Variants in TEAD2 observed in about 807,000 individuals in gnomAD.
TEAD2 encodes TEA domain transcription factor 2.
In TEAD2, 51 loss-of-function variants were observed where a neutral mutation model predicts 61.4. The observed-to-expected ratio is 0.83, with a 90% CI of 0.66 to 1.05. TEAD2 has a LOEUF of 1.05. TEAD2 is among the 50% of genes least tolerant of loss of function. The pLI, the probability that TEAD2 is intolerant of heterozygous loss-of-function variation, is 0.00. For synonymous variants in TEAD2, 244 were observed against 243.2 expected, an observed-to-expected ratio of 1.00 and a Z score of -0.03; for missense variants, 509 against 600.0, an observed-to-expected ratio of 0.85 and a Z score of 1.58.
At position 49,360,032 on chromosome 19, in the gene TEAD2, C is replaced by T; in HGVS notation, c.44G>A (p.Gly15Asp). 6.2e-7 allele frequency: 1 copy of T among 1,608,532 alleles called. No individual in the cohort carries two copies. ...ACTGCCTTCCTCACTGCCCGTCCAG[C>T]CGCTGCCATCGTCCAGGGCGGCCCC... ...RAGAALDDGSGWTGSEEGSEE... is the reference protein window; with the variant it reads ...RAGAALDDGSDWTGSEEGSEE... The change falls in exon 2 of 13, where the codon GGC (glycine) becomes GAC (aspartate). Residue 15 changes from glycine (G) to aspartate (D), a missense_variant. By Grantham distance (94) the Gly-to-Asp change is moderately conservative. Coordinates refer to ENST00000593945, the MANE Select transcript of TEAD2 (RefSeq NM_001256660.2).
At position 49,355,140 on chromosome 19, in the gene TEAD2, G is replaced by A. The variant is rs949737588; in HGVS notation, c.539+8C>T. 1 of 1,605,502 alleles carries A rather than the reference G, an allele frequency of 6.2e-7. No individual in the cohort carries two copies. Among genetic ancestry groups the A allele is most frequent in the Admixed American group, 1.7e-5 (1 of 59,036 alleles). On this transcript the variant is annotated splice_region_variant and intron_variant, in intron 7 of 12. Transcript: ENST00000593945. ...GGCAGGTGCTGAGCCAGGACACATA[G>A]TACTCACTCTGGAACATTCCAGGGG...
intron 10 of TEAD2, 113 bp from the exon 11 acceptor site, chr19:49,343,511 G>A (rs201579096): frequency 2.2e-5 from 28 of 1,256,624 alleles, no homozygotes; most frequent in South Asian, 8.1e-5. Flanking sequence ...AGGCCGAGGC[G>A]GGCGGATCAC....
Position 49,355,976 on chromosome 19 carries a change from C to G in TEAD2, c.361-6G>C. 1 of 1,235,278 alleles carries G rather than the reference C, an allele frequency of 8.1e-7. No homozygotes were observed. Among genetic ancestry groups the G allele is most frequent in the Non-Finnish European group, 1.0e-6 (1 of 985,688 alleles). 76.5% of individuals were successfully genotyped at this position (1,235,278 alleles called of 1,614,324 possible). A position where few individuals can be genotyped will look rare whatever the true frequency, so the allele number is the denominator to read the frequency against. ...GAACTTACCACGTTCAGAGCCTGCC[C>G]GTGGGGGTGGGGGAGGGTGCCAAAG... On this transcript the variant is annotated splice_polypyrimidine_tract_variant and splice_region_variant and intron_variant, in intron 4 of 12. Transcript: ENST00000593945.
Position 49,359,398 on chromosome 19 carries a change from C to G in TEAD2, c.297+37G>C. 1 of 1,606,230 alleles carries G rather than the reference C, an allele frequency of 6.2e-7. No homozygotes were observed. Among genetic ancestry groups the G allele is most frequent in the South Asian group, 1.1e-5 (1 of 90,874 alleles). ...CGAGGATGACCCTAAGAAGACCGGC[C>G]CATCCCAGACAGAAGCCCACAAGTC... is the stretch of plus-strand genomic sequence containing the variant. On this transcript the variant is annotated intron_variant, in intron 3 of 12. Coordinates refer to ENST00000593945, the MANE Select transcript of TEAD2 (RefSeq NM_001256660.2). The surrounding 1 kb of genome is among the most constrained non-coding windows in gnomAD (Gnocchi z 4.1).
Position 49,361,240 on chromosome 19 carries a change from C to A in TEAD2, c.-7+1093G>T, listed in dbSNP as rs150291820. Among the ~76,000 whole-genome samples the A allele has an allele frequency of 2.3e-3, 301 of 129,302 alleles. 3 individuals carry two copies. The highest frequency in any genetic ancestry group is 8.8e-3 in the African/African-American group (283 of 31,980). The allele number at this position is 129,302 out of a possible 152,430, so 84.8% of individuals were successfully genotyped here. ...CCCAGAGAGAGAGGGTGACAGAGAC[C>A]CAGAGAGAGGGGGACAGAGACCCAG... On this transcript the variant is annotated intron_variant, in intron 1 of 12. Coordinates refer to ENST00000593945, the MANE Select transcript of TEAD2 (RefSeq NM_001256660.2).
chr19:49,348,734 G>A lies in TEAD2; in HGVS notation c.716C>T (p.Ala239Val). 3 of 1,614,110 alleles carry A rather than the reference G, an allele frequency of 1.9e-6. No homozygotes were observed. The highest frequency in any genetic ancestry group is 1.7e-6 in the Non-Finnish European group (2 of 1,180,006). Residue 239 changes from alanine (A) to valine (V), a missense_variant, in exon 9 of 13, where the codon GCC (alanine) becomes GTC (valine). By Grantham distance (64) the Ala-to-Val change is moderately conservative. Transcript: ENST00000593945. The stretch of plus-strand genomic sequence containing the variant: ...AACTGCATCTGGCGGTTCCACGAAG[G>A]CTGAGAACTCTACCAGCTGCAACCG... The part of the protein sequence containing the change: ...TARLQLVEFS[A>V]FVEPPDAVDS...
At chr19:49,348,563 G>T (rs1005083901) in intron 9 of TEAD2, 140 bp downstream of exon 9, 2 of 851,350 alleles carry the variant, frequency 2.3e-6, no homozygotes, top group African/African-American at 3.4e-5. Flanking sequence ...TAGCAAATCA[G>T]AAAGCAATCT....
At chr19:49,357,137 C>T in intron 4 of TEAD2, 115 bp downstream of exon 4, 1 of 1,021,902 alleles carries the variant, frequency 9.8e-7, no homozygotes, top group Admixed American at 2.1e-5. Context: ...TCTCAGTCCT[C>T]CCCGCTCTAA....
chr19:49,359,902 G>T lies in TEAD2; in HGVS notation c.174C>A (p.Ala58=), dbSNP rs1447769246. The change falls in exon 2 of 13, where the codon GCC becomes GCA. Residue 58 remains alanine (A), a synonymous_variant. Coordinates refer to ENST00000593945, the MANE Select transcript of TEAD2 (RefSeq NM_001256660.2). The surrounding 1 kb of genome is among the most constrained non-coding windows in gnomAD (Gnocchi z 4.1). ...DIEQSFQEAL[A]IYPPCGRRKI... ...TCCGGCGGCCGCAGGGTGGATAGAT[G>T]GCCAGGGCCTCCTGGAAGCTCTGCT... 3 of 1,613,438 alleles carry T rather than the reference G, an allele frequency of 1.9e-6. No individual in the cohort carries two copies. In the Admixed American group the frequency reaches 5.0e-5, roughly 27 times the overall value.
chr19:49,344,561 A>G (rs1042013308), intron 10 of TEAD2, among the ~76,000 whole-genome samples: 1 of 152,176 alleles, frequency 6.6e-6, no homozygotes, highest in African/African-American at 2.4e-5. Context: ...GATTACAGGC[A>G]TGAGCCACTG....
Position 49,359,517 on chromosome 19 carries a change from G to C in TEAD2, c.233-18C>G, listed in dbSNP as rs748552884. 1 of 1,613,764 alleles carries C rather than the reference G, an allele frequency of 6.2e-7. No homozygotes were observed. Among genetic ancestry groups the C allele is most frequent in the African/African-American group, 1.3e-5 (1 of 75,002 alleles). On this transcript the variant is annotated intron_variant, in intron 2 of 12. Coordinates refer to ENST00000593945, the MANE Select transcript of TEAD2 (RefSeq NM_001256660.2). This position sits in a 1 kb window ranked among gnomAD's most constrained non-coding sequence, Gnocchi z 4.1. ...ATTCCGACCTGAAGATTCAAAGACG[G>C]AACAGAGTTAGTTAGACTTTCAACA...
chr19:49,354,146 G>A lies in TEAD2; in HGVS notation c.539+1002C>T, dbSNP rs978102308. 6.7e-5 allele frequency among the ~76,000 whole-genome samples: 10 copies of A among 150,342 alleles called. 1 individual carries two copies. In the South Asian group the frequency reaches 1.8e-3, roughly 26 times the overall value. ...ATACCGTCAACACTCCTGCCTCACCGTCCTGCAGCCACACTACCCAACCAA... is the reference window on the plus strand; with the variant it reads ...ATACCGTCAACACTCCTGCCTCACCATCCTGCAGCCACACTACCCAACCAA... On this transcript the variant is annotated intron_variant, in intron 7 of 12. Transcript: ENST00000593945.
chr19:49,360,128 A>C, intron 1 of TEAD2, 47 bp from the exon 2 acceptor site: 9 of 1,450,046 alleles, frequency 6.2e-6, no homozygotes, highest in South Asian at 1.2e-5. Context: ...CCCCACCCTC[A>C]AGGGACTTGA....
intron 3 of TEAD2, among the ~76,000 whole-genome samples, chr19:49,358,220 C>T (rs1446969508): frequency 6.6e-6 from 1 of 151,710 alleles, no homozygotes; most frequent in South Asian, 2.1e-4. Flanking sequence ...GGCAACAGAG[C>T]GAGACTCCGT....
intron 10 of TEAD2, among the ~76,000 whole-genome samples, chr19:49,344,792 C>A (rs575727684): frequency 6.6e-6 from 1 of 152,270 alleles, no homozygotes; most frequent in South Asian, 2.1e-4. Context: ...GAGCACTTCC[C>A]CCTCGGCCAA....
At position 49,347,222 on chromosome 19, in the gene TEAD2, G is replaced by A. The variant is rs373070757; in HGVS notation, c.889C>T (p.Pro297Ser). The change falls in exon 10 of 13, where the codon CCC (proline) becomes TCC (serine). Residue 297 changes from proline to serine, a missense_variant. Pro to Ser is a moderately conservative substitution (Grantham distance 74). Coordinates refer to ENST00000593945, the MANE Select transcript of TEAD2 (RefSeq NM_001256660.2). ...GGLRELYDRG[P>S]PHAFFLVKFW... ...TTGACCAGGAAGAAGGCATGGGGGG[G>A]GCCACGATCATATAGCTCTCGGAGG... 89 of 1,613,952 alleles carry A rather than the reference G, an allele frequency of 5.5e-5. No homozygotes were observed. Among genetic ancestry groups the A allele is most frequent in the Non-Finnish European group, 6.6e-5 (78 of 1,180,004 alleles).
At chr19:49,360,382 C>T in intron 1 of TEAD2, 1 of 429,314 alleles carries the variant, frequency 2.3e-6, no homozygotes. Context: ...GCCTGGACTC[C>T]TGGGTGTGAG....
chr19:49,348,104 C>T (rs73065102), intron 9 of TEAD2, among the ~76,000 whole-genome samples: 320 of 152,328 alleles, frequency 2.1e-3, no homozygotes, highest in Non-Finnish European at 3.3e-3. Flanking sequence ...GAGACTCCAT[C>T]AGCAGATTCT....
chr19:49,346,823 T>C lies in TEAD2; in HGVS notation c.921+367A>G, dbSNP rs969939834. Among the ~76,000 whole-genome samples the C allele has an allele frequency of 2.0e-5, 3 of 152,204 alleles. No individual in the cohort carries two copies. In the South Asian group the frequency reaches 6.2e-4, roughly 32 times the overall value. ...AACCAGTCTCCACAAGTCCACTGGC[T>C]ACGGGGAGGGGTCTTTCCTTAGCAG... is the stretch of plus-strand genomic sequence containing the variant. On this transcript the variant is annotated intron_variant, in intron 10 of 12. Coordinates refer to ENST00000593945, the MANE Select transcript of TEAD2 (RefSeq NM_001256660.2).
Sources: gnomAD v4.1 joint callset for allele counts (sites outside exome capture counted in the v4.1 genomes callset) on GRCh38, gnomAD v4.1.1 for gene constraint, Gnocchi (gnomAD v3.1) non-coding constraint, MANE v1.5 for transcripts, NCBI Gene and HGNC (gene_info 2026-07-23, HGNC 2026-07-21) for gene names.